The following CAPZB variants were observed in gnomAD, a reference collection of about 807,000 sequenced individuals.
CAPZB encodes the protein capping actin protein of muscle Z-line subunit beta, also known as F-actin-capping protein subunit beta.
CAPZB carries 2 observed loss-of-function variants against 38.1 expected under a neutral mutation model. The observed-to-expected ratio is 0.05, with a 90% CI of 0.02 to 0.17. The LOEUF (loss-of-function observed/expected upper bound fraction) is 0.17. Ranked by LOEUF, CAPZB falls within the 10% of genes least tolerant of loss-of-function variation. CAPZB has a pLI of 1.00. For missense variants in CAPZB, 161 were observed against 334.2 expected (o/e 0.48, Z 4.04); for synonymous variants, 107 against 127.4 (o/e 0.84, Z 1.08).
At chr1:19,414,826 ATTTTTGAAAC>A (rs2094372239) in intron 2 of CAPZB, among the ~76,000 whole-genome samples, 1 of 152,220 alleles carries the variant, frequency 6.6e-6, no homozygotes, top group Non-Finnish European at 1.5e-5. Flanking sequence ...ATGTGTGGGT[ATTTTTGAAAC>A]AGCTTAACAA....
Position 19,338,778 on chromosome 1 carries a change from C to T in CAPZB, c.*752G>A, listed in dbSNP as rs1160436219. On this transcript the variant is annotated 3_prime_UTR_variant, in exon 9 of 9. Transcript: ENST00000264202. ...AAGGAACACAGAAGGCCAGCGCTAA[C>T]TGCGCCCCAGTTTCTTTTTATTGAT... is the stretch of plus-strand genomic sequence containing the variant. The T allele has an allele frequency of 6.6e-6, 1 of 152,608 alleles. No homozygotes were observed. Among genetic ancestry groups the T allele is most frequent in the Non-Finnish European group, 1.5e-5 (1 of 68,066 alleles). 9.5% of individuals were successfully genotyped at this position (152,608 alleles called of 1,614,324 possible).
chr1:19,382,653 G>A (rs559848727), intron 3 of CAPZB, among the ~76,000 whole-genome samples: 94 of 152,286 alleles, frequency 6.2e-4, no homozygotes, highest in African/African-American at 2.2e-3. Context: ...CAGGAATGCA[G>A]GTGGGGGACA....
chr1:19,369,691 C>T (rs1283491141), intron 4 of CAPZB, among the ~76,000 whole-genome samples: 2 of 152,242 alleles, frequency 1.3e-5, no homozygotes, highest in African/African-American at 2.4e-5. Context: ...GCCTTTACAT[C>T]TGGGGAAAGG....
chr1:19,407,366 A>G (rs536836158), intron 2 of CAPZB, among the ~76,000 whole-genome samples: 23 of 152,266 alleles, frequency 1.5e-4, no homozygotes, highest in African/African-American at 4.3e-4. Flanking sequence ...GCCCAGAGAT[A>G]CAGAACAGAG....
Position 19,449,027 on chromosome 1 carries a change from C to T in CAPZB, c.4-29277G>A, listed in dbSNP as rs557140943. Reference sequence around the variant, plus strand: ...ACGCTGCCCCAGGCTGCTCGCTGCCCGCTCCTGACTTCTCCCATCTGGTTT... The same window carrying T: ...ACGCTGCCCCAGGCTGCTCGCTGCCTGCTCCTGACTTCTCCCATCTGGTTT... On this transcript the variant is annotated intron_variant, in intron 1 of 8. Coordinates refer to ENST00000264202, the MANE Select transcript of CAPZB (RefSeq NM_004930.5). 4.8e-5 allele frequency: 73 copies of T among 1,521,044 alleles called. No individual in the cohort carries two copies. In the East Asian group the frequency reaches 5.6e-4, roughly 12 times the overall value. 94.2% of individuals were successfully genotyped at this position (1,521,044 alleles called of 1,614,324 possible). A position where few individuals can be genotyped will look rare whatever the true frequency, so the allele number is the denominator to read the frequency against.
intron 1 of CAPZB, among the ~76,000 whole-genome samples, chr1:19,482,852 T>C (rs1246232629): frequency 6.6e-6 from 1 of 152,244 alleles, no homozygotes; most frequent in Non-Finnish European, 1.5e-5. Context: ...GCCAACCATC[T>C]ACACCGGCTT....
chr1:19,466,110 A>G (rs190109780), intron 1 of CAPZB, among the ~76,000 whole-genome samples: 1 of 152,326 alleles, frequency 6.6e-6, no homozygotes, highest in East Asian at 1.9e-4. Flanking sequence ...ATTGGGACAG[A>G]GGCGACACTA....
At chr1:19,475,727 T>C (rs1252267720) in intron 1 of CAPZB, among the ~76,000 whole-genome samples, 1 of 151,914 alleles carries the variant, frequency 6.6e-6, no homozygotes, top group Non-Finnish European at 1.5e-5. Context: ...CTGTATTAGG[T>C]TGAACCACAT....
At chr1:19,452,857 G>A (rs2094521189) in intron 1 of CAPZB, among the ~76,000 whole-genome samples, 2 of 141,526 alleles carry the variant, frequency 1.4e-5, no homozygotes, top group South Asian at 4.5e-4. Flanking sequence ...AGGCTAGAAT[G>A]CAGTGGAGCG....
chr1:19,427,938 TAA>T (rs1038781976), intron 1 of CAPZB, among the ~76,000 whole-genome samples: 1 of 152,178 alleles, frequency 6.6e-6, no homozygotes, highest in African/African-American at 2.4e-5. Context: ...CCATGCAACA[TAA>T]AAGTAACCAT....
At chr1:19,398,585 AG>A (rs979686426) in intron 2 of CAPZB, among the ~76,000 whole-genome samples, 1 of 152,182 alleles carries the variant, frequency 6.6e-6, no homozygotes, top group African/African-American at 2.4e-5. Flanking sequence ...TCAGCACAAA[AG>A]TCACCCAGGC....
intron 4 of CAPZB, among the ~76,000 whole-genome samples, chr1:19,366,305 T>TATATATATATATATATATATATAAAA (rs1396564571): frequency 1.0e-5 from 1 of 97,598 alleles, no homozygotes; most frequent in African/African-American, 4.7e-5. Context: ...TATATATATA[T>TATATATATATATATATATATATAAAA]ATATAAATAA....
intron 1 of CAPZB, among the ~76,000 whole-genome samples, chr1:19,421,298 A>C (rs144086620): frequency 6.6e-6 from 1 of 152,268 alleles, no homozygotes; most frequent in African/African-American, 2.4e-5. Flanking sequence ...CCCACTTCAT[A>C]GTCACCAGAG....
At chr1:19,478,177 A>G (rs2094613685) in intron 1 of CAPZB, among the ~76,000 whole-genome samples, 1 of 152,236 alleles carries the variant, frequency 6.6e-6, no homozygotes, top group African/African-American at 2.4e-5. Flanking sequence ...CTGGTGTTTA[A>G]ACAGAATGAG....
chr1:19,442,502 A>T (rs72653937), intron 1 of CAPZB, among the ~76,000 whole-genome samples: 10,050 of 152,262 alleles, frequency 0.066, 476 homozygotes, highest in Non-Finnish European at 0.1. Context: ...ACACTAACTT[A>T]AAGTTCCCTT....
In CAPZB at chr1:19,367,722, C is replaced by T. The variant is rs148743756; in HGVS notation, c.330-10159G>A. On this transcript the variant is annotated intron_variant, in intron 4 of 8. Transcript: ENST00000264202. The stretch of plus-strand genomic sequence containing the variant: ...ACATACCAATCAGCTTAGGCATGTG[C>T]GACTTTAATGCCAGCTGCACTTAGA... 1.5e-3 allele frequency among the ~76,000 whole-genome samples: 234 copies of T among 152,330 alleles called. 1 individual carries two copies. Among genetic ancestry groups the T allele is most frequent in the African/African-American group, 5.4e-3 (224 of 41,568 alleles).
intron 1 of CAPZB, 73 bp from the exon 2 acceptor site, chr1:19,419,823 A>G (rs2094394475): frequency 1.1e-6 from 1 of 919,038 alleles, no homozygotes; most frequent in Non-Finnish European, 1.7e-6. Flanking sequence ...TTTAAAAAGC[A>G]TGCTTGCCCA....
At chr1:19,436,635 C>G (rs2094458959) in intron 1 of CAPZB, among the ~76,000 whole-genome samples, 1 of 151,944 alleles carries the variant, frequency 6.6e-6, no homozygotes, top group African/African-American at 2.4e-5. Flanking sequence ...TGGTTTCAGG[C>G]ATCCAATGGG....
At chr1:19,402,865 T>C (rs952809982) in intron 2 of CAPZB, among the ~76,000 whole-genome samples, 3 of 152,166 alleles carry the variant, frequency 2.0e-5, no homozygotes, top group Admixed American at 1.3e-4. Context: ...ATGGCCAACA[T>C]GGTGAAACTC....
Sources: gnomAD v4.1 joint callset for allele counts (sites outside exome capture counted in the v4.1 genomes callset) on GRCh38, gnomAD v4.1.1 for gene constraint, MANE v1.5 for transcripts, NCBI Gene and HGNC (gene_info 2026-07-23, HGNC 2026-07-21) for gene names.